The following SLC39A11 variants were observed in gnomAD, a reference collection of about 807,000 sequenced individuals.
The protein encoded by SLC39A11 is solute carrier family 39 member 11.
In SLC39A11, 33 loss-of-function variants were observed where a neutral mutation model predicts 36.1. The observed-to-expected ratio is 0.91, with a 90% CI of 0.69 to 1.22. SLC39A11 has a LOEUF of 1.22. SLC39A11 is among the 50% of genes most tolerant of loss of function. The probability of loss-of-function intolerance (pLI) is 0.00; values close to 1 mark genes in which losing one functional copy is unlikely to be tolerated. For synonymous variants in SLC39A11, 166 were observed against 170.3 expected (o/e 0.97, Z 0.20); for missense variants, 432 against 430.3 (o/e 1.00, Z -0.03).
chr17:72,738,413 C>T lies in SLC39A11; in HGVS notation c.602-1694G>A, dbSNP rs182325333. 1.4e-3 allele frequency among the ~76,000 whole-genome samples: 213 copies of T among 152,272 alleles called. 2 individuals are homozygous for T. Among genetic ancestry groups the T allele is most frequent in the African/African-American group, 4.9e-3 (203 of 41,552 alleles). On this transcript the variant is annotated intron_variant, in intron 6 of 9. Coordinates refer to ENST00000255559, the MANE Select transcript of SLC39A11 (RefSeq NM_139177.4). ...TCTACACTGATGGGGTGGCTGGAGTCGAGTGTGCAGCGTGGGGCTAGACAA... is the reference window on the plus strand; with the variant it reads ...TCTACACTGATGGGGTGGCTGGAGTTGAGTGTGCAGCGTGGGGCTAGACAA...
At chr17:73,022,457 T>C (rs180759819) in intron 4 of SLC39A11, among the ~76,000 whole-genome samples, 1 of 152,182 alleles carries the variant, frequency 6.6e-6, no homozygotes, top group Non-Finnish European at 1.5e-5. Flanking sequence ...TAGCTGGGCA[T>C]GGTGGTGCAC....
chr17:72,867,828 G>T (rs2080388718), intron 5 of SLC39A11, among the ~76,000 whole-genome samples: 1 of 151,712 alleles, frequency 6.6e-6, no homozygotes, highest in Non-Finnish European at 1.5e-5. Flanking sequence ...GACCCAGATG[G>T]TATTAATAGT....
chr17:72,847,061 A>G (rs533351362), intron 6 of SLC39A11, among the ~76,000 whole-genome samples: 27 of 152,256 alleles, frequency 1.8e-4, no homozygotes, highest in Non-Finnish European at 2.6e-4. Flanking sequence ...AGTGAGGTCC[A>G]TATAAGACCC....
chr17:72,662,770 GAAA>G (rs1209476270), intron 7 of SLC39A11, among the ~76,000 whole-genome samples: 1 of 139,488 alleles, frequency 7.2e-6, no homozygotes, highest in Non-Finnish European at 1.6e-5. Context: ...GGAAGGAAAA[GAAA>G]AGAAAGGAAG....
intron 5 of SLC39A11, among the ~76,000 whole-genome samples, chr17:72,891,331 G>A (rs1253814220): frequency 2.0e-5 from 3 of 152,168 alleles, no homozygotes; most frequent in African/African-American, 7.2e-5. Context: ...TGAGGCACGA[G>A]AATCGCTTGA....
rs572650677 is a variant in SLC39A11 at position 72,711,957 on chromosome 17, T to C, written c.671+24693A>G. ...CTAGATTGATGGAAAGGCCCTTAAT[T>C]TGAGAAAATGCTTCTGTACCTTGAA... On this transcript the variant is annotated intron_variant, in intron 7 of 9. Transcript: ENST00000255559. Among the ~76,000 whole-genome samples, 4 of 152,272 alleles carry C rather than the reference T, an allele frequency of 2.6e-5. No individual in the cohort carries two copies. The East Asian group carries it at 5.8e-4, about 22-fold the overall frequency.
At chr17:72,932,199 C>A (rs1276464338) in intron 5 of SLC39A11, among the ~76,000 whole-genome samples, 2 of 151,902 alleles carry the variant, frequency 1.3e-5, no homozygotes, top group Non-Finnish European at 2.9e-5. Flanking sequence ...AAAACTCCAA[C>A]GTCTAGCAGC....
At chr17:73,015,739 C>G (rs768942676) in intron 4 of SLC39A11, among the ~76,000 whole-genome samples, 8 of 152,144 alleles carry the variant, frequency 5.3e-5, no homozygotes, top group African/African-American at 1.9e-4. Flanking sequence ...CGCACCACCA[C>G]GCCCAGCTAA....
At chr17:73,084,668 G>A in intron 3 of SLC39A11, 140 bp downstream of exon 3, 1 of 741,496 alleles carries the variant, frequency 1.3e-6, no homozygotes, top group Non-Finnish European at 2.4e-6. Flanking sequence ...TATGGCAGGT[G>A]ATAAGAGGGA....
Position 73,031,712 on chromosome 17 carries a change from G to A in SLC39A11, c.150C>T (p.Val50=). The A allele has an allele frequency of 7.4e-6, 12 of 1,613,154 alleles. No individual in the cohort carries two copies. The highest frequency in any genetic ancestry group is 1.0e-5 in the Non-Finnish European group (12 of 1,179,820). Reference sequence around the variant, plus strand: ...GAGACCAATAGGAAGCTGCCAACATGACCTACAAAAACCACAACGAGAGAT... The same window carrying A: ...GAGACCAATAGGAAGCTGCCAACATAACCTACAAAAACCACAACGAGAGAT... ...LDGSLGFAAG[V]MLAASYWSLL... is the part of the protein sequence containing the mutation. Residue 50 remains valine (V), a splice_region_variant and synonymous_variant, in exon 4 of 10, where the codon GTC becomes GTT. Transcript: ENST00000255559.
At chr17:72,762,007 G>C (rs895440265) in intron 6 of SLC39A11, among the ~76,000 whole-genome samples, 22 of 152,218 alleles carry the variant, frequency 1.4e-4, no homozygotes, top group African/African-American at 5.3e-4. Context: ...CGAGTCTAGA[G>C]TACACGAGAG....
At chr17:73,027,098 G>A (rs1360947223) in intron 4 of SLC39A11, among the ~76,000 whole-genome samples, 1 of 152,118 alleles carries the variant, frequency 6.6e-6, no homozygotes, top group Non-Finnish European at 1.5e-5. Flanking sequence ...CTCCAGCCTG[G>A]GCAACAGAGC....
At chr17:72,921,739 C>T (rs1183759585) in intron 5 of SLC39A11, among the ~76,000 whole-genome samples, 1 of 148,670 alleles carries the variant, frequency 6.7e-6, no homozygotes, top group African/African-American at 2.6e-5. Context: ...CACTTATATC[C>T]ATTTATTAAG....
intron 5 of SLC39A11, among the ~76,000 whole-genome samples, chr17:72,887,579 G>A (rs1030210543): frequency 1.6e-4 from 25 of 152,152 alleles, no homozygotes; most frequent in Admixed American, 9.8e-4. Flanking sequence ...GAGAACAGTC[G>A]CAGCCATGCT....
chr17:72,849,677 C>A lies in SLC39A11; in HGVS notation c.558G>T (p.Arg186Ser). The A allele has an allele frequency of 6.2e-7, 1 of 1,606,128 alleles. No homozygotes were observed. Among genetic ancestry groups the A allele is most frequent in the Non-Finnish European group, 8.5e-7 (1 of 1,176,730 alleles). ...LAQPGGSSWR[R>S]IALLILAITI... is the part of the protein sequence containing the mutation. ...TGATGGCCAAGATGAGCAGTGCGAT[C>A]CTCCTCCAGCTGCTGCCGCCGGGCT... is the stretch of plus-strand genomic sequence containing the variant. Residue 186 changes from arginine (R) to serine (S), a missense_variant, in exon 6 of 10, where the codon AGG (arginine) becomes AGT (serine). By Grantham distance (110) the Arg-to-Ser change is moderately radical (BLOSUM62 -1). Transcript: ENST00000255559.
rs149477764 is a variant in SLC39A11, at chr17:72,814,526, T to C, written c.601+35108A>G. On this transcript the variant is annotated intron_variant, in intron 6 of 9. Coordinates refer to ENST00000255559, the MANE Select transcript of SLC39A11 (RefSeq NM_139177.4). ...ACTGGGCTCTGAACACATTGTGGAA[T>C]AGTCCCGAGGTGAGAAGGTGCCTGA... 5.1e-3 allele frequency among the ~76,000 whole-genome samples: 771 copies of C among 152,286 alleles called. 9 individuals carry two copies. Among genetic ancestry groups the C allele is most frequent in the African/African-American group, 0.018 (732 of 41,570 alleles).
intron 6 of SLC39A11, among the ~76,000 whole-genome samples, chr17:72,747,900 C>G (rs1238386370): frequency 6.6e-6 from 1 of 152,168 alleles, no homozygotes; most frequent in East Asian, 1.9e-4. Context: ...AACTTATTTT[C>G]TTGAAAAAGT....
intron 4 of SLC39A11, among the ~76,000 whole-genome samples, chr17:73,005,613 C>CACA (rs1243140297): frequency 1.3e-5 from 2 of 152,178 alleles, no homozygotes; most frequent in Non-Finnish European, 2.9e-5. Flanking sequence ...GGGACCTGCT[C>CACA]ACAGAGGCTC....
At chr17:72,991,809 G>C (rs1347309431) in intron 4 of SLC39A11, among the ~76,000 whole-genome samples, 1 of 151,894 alleles carries the variant, frequency 6.6e-6, no homozygotes, top group East Asian at 1.9e-4. Context: ...TCTCATGCAG[G>C]GTTCCCTGTG....
Sources: allele counts gnomAD v4.1 joint callset (sites outside exome capture counted in the v4.1 genomes callset), GRCh38; gene constraint gnomAD v4.1.1; transcripts MANE v1.5; gene names NCBI Gene and HGNC (gene_info 2026-07-23, HGNC 2026-07-21).